The following CASP9 variants were observed in gnomAD, a reference collection of about 807,000 sequenced individuals.
CASP9 encodes the protein caspase-9.
Under a neutral mutation model 43.5 loss-of-function variants are expected in CASP9, and 29 were observed. That is an observed-to-expected ratio of 0.67 (90% CI 0.50 to 0.91). The LOEUF is 0.91. Among genes scored for constraint, CASP9 ranks in the 40% least tolerant of loss-of-function variants. CASP9 has a pLI of 0.00. For synonymous variants in CASP9, 206 were observed against 211.9 expected (o/e 0.97, Z 0.24); for missense variants, 575 against 537.4 (o/e 1.07, Z -0.69).
At chr1:15,494,886 A>AG (rs60846015) in intron 7 of CASP9, among the ~76,000 whole-genome samples, 5 of 149,028 alleles carry the variant, frequency 3.4e-5, no homozygotes, top group Non-Finnish European at 5.9e-5. Flanking sequence ...AAAAAAAAAA[A>AG]GAAGGAAGGA....
intron 1 of CASP9, among the ~76,000 whole-genome samples, chr1:15,519,621 G>A (rs1369762940): frequency 6.6e-6 from 1 of 152,192 alleles, no homozygotes; most frequent in African/African-American, 2.4e-5. Flanking sequence ...AGAATAGAGA[G>A]AAGTGAAAGG....
At chr1:15,500,384 A>G (rs1236851774) in intron 6 of CASP9, among the ~76,000 whole-genome samples, 1 of 152,192 alleles carries the variant, frequency 6.6e-6, no homozygotes, top group Non-Finnish European at 1.5e-5. Context: ...CAGTTCACCC[A>G]GAGGAGCTGG....
intron 6 of CASP9, among the ~76,000 whole-genome samples, chr1:15,503,531 CCCAGCA>C (rs1709407546): frequency 6.6e-6 from 1 of 152,190 alleles, no homozygotes; most frequent in African/African-American, 2.4e-5. Context: ...TTCCCCTATC[CCCAGCA>C]CCTAACGCAC....
At chr1:15,495,483 C>CTGTGT in intron 6 of CASP9, 31 bp from the exon 7 acceptor site, 2 of 1,527,956 alleles carry the variant, frequency 1.3e-6, no homozygotes, top group Non-Finnish European at 1.8e-6. Flanking sequence ...CACCTCTTGT[C>CTGTGT]ATTGAAATAC....
intron 1 of CASP9, among the ~76,000 whole-genome samples, chr1:15,523,617 T>TA (rs1315996722): frequency 6.6e-6 from 1 of 152,066 alleles, no homozygotes; most frequent in East Asian, 1.9e-4. Context: ...ATGCTTATGT[T>TA]AGAGAGAAAT....
chr1:15,506,821 G>A, intron 4 of CASP9, 78 bp downstream of exon 4: 1 of 1,275,000 alleles, frequency 7.8e-7, no homozygotes, highest in Non-Finnish European at 1.1e-6. Flanking sequence ...GGAGTCAGCT[G>A]GCTTTTGGAG....
chr1:15,504,036 C>G (rs557256437), intron 6 of CASP9, among the ~76,000 whole-genome samples: 5 of 152,246 alleles, frequency 3.3e-5, no homozygotes, highest in Admixed American at 6.5e-5. Context: ...AAAATAGAGA[C>G]AGGGTCTCGC....
rs1389025289 is a variant in CASP9, at chr1:15,504,645, C to A, written c.834G>T (p.Lys278Asn). 1 of 1,614,032 alleles carries A rather than the reference C, an allele frequency of 6.2e-7. No individual in the cohort carries two copies. The highest frequency in any genetic ancestry group is 1.1e-5 in the South Asian group (1 of 91,062). The change falls in exon 6 of 9, where the codon AAG becomes AAT. Residue 278 changes from lysine to asparagine, a missense_variant. Coordinates refer to ENST00000333868, the MANE Select transcript of CASP9 (RefSeq NM_001229.5). Reference protein sequence around the residue: ...NGTSCPSLGGKPKLFFIQACG... With the variant: ...NGTSCPSLGGNPKLFFIQACG... ...AGGCCTGGATGAAAAAGAGCTTGGG[C>A]TTCCCTCCCAGGCTGGGGCAGCTGG...
At chr1:15,494,630 G>A (rs1363778649) in intron 7 of CASP9, among the ~76,000 whole-genome samples, 3 of 150,920 alleles carry the variant, frequency 2.0e-5, no homozygotes, top group Non-Finnish European at 4.4e-5. Context: ...TTGGGAAGCC[G>A]AGGCAGGTGG....
In CASP9 at chr1:15,495,385, G is replaced by A. The variant is rs375218041; in HGVS notation, c.936C>T (p.Pro312=). Residue 312 remains proline (P), a synonymous_variant, in exon 7 of 9, where the codon CCC becomes CCT. Coordinates refer to ENST00000333868, the MANE Select transcript of CASP9 (RefSeq NM_001229.5). ...SPEDESPGSN[P]EPDATPFQEG... Reference sequence around the variant, plus strand: ...CCTGGAACGGGGTGGCATCTGGCTCGGGGTTACTGCCAGGGGACTCGTCTT... The same window carrying A: ...CCTGGAACGGGGTGGCATCTGGCTCAGGGTTACTGCCAGGGGACTCGTCTT... The A allele has an allele frequency of 2.5e-5, 40 of 1,608,542 alleles. 1 individual carries two copies. Among genetic ancestry groups the A allele is most frequent in the African/African-American group, 2.1e-4 (16 of 74,492 alleles).
intron 6 of CASP9, among the ~76,000 whole-genome samples, chr1:15,503,065 TG>T (rs1353145035): frequency 6.6e-6 from 1 of 152,112 alleles, no homozygotes; most frequent in Non-Finnish European, 1.5e-5. Flanking sequence ...AACCAATCAC[TG>T]TACACACACC....
rs551862610 is a variant in CASP9 at position 15,491,917 on chromosome 1, T to C, written c.*1026A>G. On this transcript the variant is annotated 3_prime_UTR_variant, in exon 9 of 9. Coordinates refer to ENST00000333868, the MANE Select transcript of CASP9 (RefSeq NM_001229.5). ...CAGCAAGTAAGGCACATGGGAAGCA[T>C]GGCTAGGACTCAGGGGACCCAGGTT... is the stretch of plus-strand genomic sequence containing the variant. The C allele has an allele frequency of 1.3e-5, 2 of 153,266 alleles. No homozygotes were observed. The highest frequency in any genetic ancestry group is 2.4e-5 in the African/African-American group (1 of 41,534). The allele number at this position is 153,266 out of a possible 1,614,324, so 9.5% of individuals were successfully genotyped here.
In CASP9 at chr1:15,518,331, C is replaced by T. The variant is rs1208394233; in HGVS notation, c.197G>A (p.Gly66Glu). ...RQLIIDLETR[G>E]SQALPLFISC... is the part of the protein sequence containing the mutation. ...GATGAACAAAGGAAGAGCCTGACTC[C>T]CTCGAGTCTCCAGATCTATGATCAG... The change falls in exon 2 of 9, where the codon GGG becomes GAG. Residue 66 changes from glycine to glutamate, a missense_variant. Coordinates refer to ENST00000333868, the MANE Select transcript of CASP9 (RefSeq NM_001229.5). The T allele has an allele frequency of 6.2e-7, 1 of 1,614,140 alleles. No individual in the cohort carries two copies. Among genetic ancestry groups the T allele is most frequent in the South Asian group, 1.1e-5 (1 of 91,092 alleles).
chr1:15,511,396 A>G (rs547022691), intron 2 of CASP9, among the ~76,000 whole-genome samples: 1 of 136,368 alleles, frequency 7.3e-6, no homozygotes, highest in East Asian at 2.2e-4. Context: ...GGACTACACC[A>G]CCACACCTAA....
intron 2 of CASP9, among the ~76,000 whole-genome samples, chr1:15,516,115 T>C (rs959111108): frequency 1.3e-5 from 2 of 151,442 alleles, no homozygotes; most frequent in African/African-American, 4.9e-5. Flanking sequence ...GGCAGGATAA[T>C]TGCTTGAACC....
intron 1 of CASP9, among the ~76,000 whole-genome samples, chr1:15,519,700 G>T (rs776730901): frequency 6.6e-6 from 1 of 152,158 alleles, no homozygotes; most frequent in Non-Finnish European, 1.5e-5. Context: ...TGTGAAGACA[G>T]AGCAAGGGTC....
chr1:15,502,792 T>C (rs535910214), intron 6 of CASP9, among the ~76,000 whole-genome samples: 67 of 152,342 alleles, frequency 4.4e-4, no homozygotes, highest in African/African-American at 1.5e-3. Context: ...CCCCTGCCCT[T>C]TCTGTCTTTC....
chr1:15,507,158 G>T (rs1226377100), intron 3 of CASP9, 83 bp from the exon 4 acceptor site: 3 of 1,546,568 alleles, frequency 1.9e-6, no homozygotes, highest in East Asian at 2.3e-5. Flanking sequence ...AGAAAACGGG[G>T]TCTGCCCTCT....
At chr1:15,501,613 C>G (rs1380502306) in intron 6 of CASP9, among the ~76,000 whole-genome samples, 3 of 152,206 alleles carry the variant, frequency 2.0e-5, no homozygotes, top group African/African-American at 7.2e-5. Context: ...GCGTTAAGCA[C>G]CAGGTCACGC....
Sources: gnomAD v4.1 joint callset for allele counts (sites outside exome capture counted in the v4.1 genomes callset) on GRCh38, gnomAD v4.1.1 for gene constraint, MANE v1.5 for transcripts, NCBI Gene and HGNC (gene_info 2026-07-23, HGNC 2026-07-21) for gene names.